Variants in FGF14 observed in about 807,000 individuals in gnomAD.
FGF14 encodes fibroblast growth factor homologous factor 4.
FGF14 carries 5 observed loss-of-function variants against 25.5 expected under a neutral mutation model. That is an observed-to-expected ratio of 0.20 (90% CI 0.10 to 0.41). The LOEUF (loss-of-function observed/expected upper bound fraction) is 0.41. FGF14 is among the 10% of genes least tolerant of loss of function. The pLI is 1.00. For synonymous variants in FGF14, 138 were observed against 118.3 expected, an observed-to-expected ratio of 1.17 and a Z score of -1.08; for missense variants, 222 against 320.1, an observed-to-expected ratio of 0.69 and a Z score of 2.34.
intron 1 of FGF14, chr13:102,263,149 T>C (rs1407111335): frequency 3.4e-6 from 2 of 596,182 alleles, no homozygotes; most frequent in African/African-American, 1.9e-5. Flanking sequence ...TTTGCTTTTG[T>C]TTCTTGGCCA....
upstream of FGF14, among the ~76,000 whole-genome samples, chr13:101,917,779 G>A (rs1194802945): frequency 2.0e-5 from 3 of 152,200 alleles, no homozygotes; most frequent in Non-Finnish European, 2.9e-5. Context: ...TGGAAAGAGA[G>A]AAGGTGTGAT....
intron 1 of FGF14, among the ~76,000 whole-genome samples, chr13:102,287,020 C>G (rs543341308): frequency 1.3e-5 from 2 of 151,912 alleles, no homozygotes; most frequent in South Asian, 4.2e-4. Flanking sequence ...GGAGATATAC[C>G]TAATGTAAAT....
At chr13:102,379,578 G>A (rs1350108544) in intron 1 of FGF14, among the ~76,000 whole-genome samples, 10 of 151,880 alleles carry the variant, frequency 6.6e-5, no homozygotes, top group Non-Finnish European at 1.3e-4. Context: ...GAGAGAAAGA[G>A]AGATAGTTCA....
chr13:102,342,194 C>CT (rs1287299536), intron 1 of FGF14, among the ~76,000 whole-genome samples: 1 of 152,138 alleles, frequency 6.6e-6, no homozygotes, highest in African/African-American at 2.4e-5. Context: ...TCCTGGGGCA[C>CT]TTTTCTGCAG....
intron 1 of FGF14, among the ~76,000 whole-genome samples, chr13:101,991,857 C>T (rs964383831): frequency 5.3e-5 from 8 of 152,050 alleles, no homozygotes; most frequent in Admixed American, 5.2e-4. Flanking sequence ...GCTTTGTGTT[C>T]TCAAAGAAAA....
Position 101,720,344 on chromosome 13 carries a change from A to G in FGF14, c.*2487T>C, listed in dbSNP as rs1213907731. The G allele has an allele frequency of 1.3e-5, 2 of 152,148 alleles. No homozygotes were observed. Among genetic ancestry groups the G allele is most frequent in the Non-Finnish European group, 1.5e-5 (1 of 68,006 alleles). 9.4% of individuals were successfully genotyped at this position (152,148 alleles called of 1,614,324 possible). ...TAGAAGAAAGTATTTGACATCCTTC[A>G]TAGGGATAAATGCCCTTATAGACAC... is the stretch of plus-strand genomic sequence containing the variant. On this transcript the variant is annotated 3_prime_UTR_variant, in exon 5 of 5. Coordinates refer to ENST00000376143, the MANE Select transcript of FGF14 (RefSeq NM_004115.4).
At chr13:101,890,852 A>G (rs2046231917) in intron 1 of FGF14, among the ~76,000 whole-genome samples, 1 of 152,122 alleles carries the variant, frequency 6.6e-6, no homozygotes, top group Non-Finnish European at 1.5e-5. Context: ...AACTTGAAGT[A>G]GGGGCAAAGG....
chr13:101,913,824 A>G (rs1054658994), intron 1 of FGF14, among the ~76,000 whole-genome samples: 1 of 151,958 alleles, frequency 6.6e-6, no homozygotes, highest in African/African-American at 2.4e-5. Flanking sequence ...CTCCTCCATA[A>G]TTCTTTATCC....
chr13:102,108,379 A>G (rs1013743446), intron 1 of FGF14, among the ~76,000 whole-genome samples: 1 of 152,244 alleles, frequency 6.6e-6, no homozygotes, highest in African/African-American at 2.4e-5. Context: ...CTAACGCTAT[A>G]CCTGAAAGAC....
chr13:101,732,508 C>T (rs2035879011), intron 3 of FGF14, among the ~76,000 whole-genome samples: 1 of 152,160 alleles, frequency 6.6e-6, no homozygotes, highest in East Asian at 1.9e-4. Flanking sequence ...TCAGTCCCCT[C>T]CCAGTAACAG....
intron 1 of FGF14, among the ~76,000 whole-genome samples, chr13:102,033,789 T>G (rs2041334393): frequency 6.6e-6 from 1 of 152,144 alleles, no homozygotes; most frequent in South Asian, 2.1e-4. Flanking sequence ...TCGTTTGGTT[T>G]CAGCAAAACA....
intron 1 of FGF14, among the ~76,000 whole-genome samples, chr13:102,375,284 G>A (rs1011627456): frequency 2.6e-5 from 4 of 152,076 alleles, no homozygotes; most frequent in Admixed American, 6.6e-5. Context: ...CCAGGGGCAG[G>A]TGCTCAGCTA....
intron 1 of FGF14, among the ~76,000 whole-genome samples, chr13:101,915,515 A>C (rs1160196176): frequency 1.3e-5 from 2 of 152,216 alleles, no homozygotes; most frequent in Non-Finnish European, 2.9e-5. Flanking sequence ...ACATGCTCGC[A>C]AAACAACCAG....
intron 1 of FGF14, among the ~76,000 whole-genome samples, chr13:102,178,757 G>A (rs912911939): frequency 3.3e-5 from 5 of 152,028 alleles, no homozygotes; most frequent in African/African-American, 9.7e-5. Flanking sequence ...TCTATCGTAT[G>A]TGTGTGTGTT....
chr13:102,108,449 CG>C (rs1438353273), intron 1 of FGF14, among the ~76,000 whole-genome samples: 3 of 152,098 alleles, frequency 2.0e-5, no homozygotes, highest in Non-Finnish European at 2.9e-5. Flanking sequence ...ATGTCTCCTA[CG>C]GGGAGACGTG....
rs1162096729 is a variant in FGF14, at chr13:101,712,274, A to G, written c.*10557T>C. On this transcript the variant is annotated 3_prime_UTR_variant, in exon 5 of 5. Transcript: ENST00000376143. ...TAGAAATGCTACTGTTTCATGACAC[A>G]TACAAAATCAATCCTCATTTTTTAT... The G allele has an allele frequency of 1.3e-5, 2 of 152,216 alleles. No homozygotes were observed. The highest frequency in any genetic ancestry group is 2.4e-5 in the African/African-American group (1 of 41,446). 9.4% of individuals were successfully genotyped at this position (152,216 alleles called of 1,614,324 possible).
chr13:102,106,339 G>A (rs2044912244), intron 1 of FGF14, among the ~76,000 whole-genome samples: 1 of 152,102 alleles, frequency 6.6e-6, no homozygotes, highest in African/African-American at 2.4e-5. Flanking sequence ...GGGAGGCCGA[G>A]GTGGGTGAAT....
intron 3 of FGF14, among the ~76,000 whole-genome samples, chr13:101,781,022 C>T (rs1401283323): frequency 1.3e-5 from 2 of 152,060 alleles, no homozygotes; most frequent in Admixed American, 6.5e-5. Flanking sequence ...TAATGATCCT[C>T]GCGCTTGCTA....
At chr13:101,885,803 A>G (rs1323588945) in intron 1 of FGF14, among the ~76,000 whole-genome samples, 2 of 152,118 alleles carry the variant, frequency 1.3e-5, no homozygotes, top group African/African-American at 2.4e-5. Context: ...CTAGCCCTCA[A>G]TGAACCAGGT....
Sources: allele counts gnomAD v4.1 joint callset (sites outside exome capture counted in the v4.1 genomes callset), GRCh38; gene constraint gnomAD v4.1.1; transcripts MANE v1.5; gene names NCBI Gene and HGNC (gene_info 2026-07-23, HGNC 2026-07-21).